NALCN: variants seen among roughly 807,000 people sequenced by gnomAD.
NALCN encodes sodium leak channel, non-selective, also known as sodium leak channel NALCN.
A neutral mutation model predicts 225.3 loss-of-function variants in NALCN; 111 were observed. The observed-to-expected ratio is 0.49, with a 90% CI of 0.42 to 0.58. The LOEUF (loss-of-function observed/expected upper bound fraction) is 0.58, where lower values mean the gene tolerates loss of function less well. Ranked by LOEUF, NALCN falls within the 20% of genes least tolerant of loss-of-function variation. The pLI, the probability that NALCN is intolerant of heterozygous loss-of-function variation, is 0.00. For missense variants in NALCN, 1,378 were observed against 2,202.4 expected (o/e 0.63, Z 7.49); for synonymous variants, 764 against 769.0 (o/e 0.99, Z 0.11).
At chr13:101,378,423 G>T (rs991762841) in intron 4 of NALCN, 147 bp downstream of exon 4, 2 of 622,964 alleles carry the variant, frequency 3.2e-6, no homozygotes, top group Admixed American at 3.5e-5. Flanking sequence ...AATCACATCT[G>T]TTAAAATAAA....
intron 15 of NALCN, among the ~76,000 whole-genome samples, chr13:101,160,255 T>C (rs982003800): frequency 2.0e-5 from 3 of 152,216 alleles, no homozygotes; most frequent in African/African-American, 7.2e-5. Flanking sequence ...TGTGGACCAC[T>C]CAGTGGAAGG....
intron 13 of NALCN, among the ~76,000 whole-genome samples, chr13:101,213,993 C>G (rs557082961): frequency 1.3e-5 from 2 of 152,234 alleles, no homozygotes; most frequent in South Asian, 4.1e-4. Context: ...CACATGCACA[C>G]GTATGTTTAT....
chr13:101,296,175 C>T (rs746110985), intron 7 of NALCN, among the ~76,000 whole-genome samples: 5 of 152,100 alleles, frequency 3.3e-5, no homozygotes, highest in African/African-American at 4.8e-5. Context: ...GAATTCTCTA[C>T]CTTGTTTGTT....
intron 7 of NALCN, among the ~76,000 whole-genome samples, chr13:101,314,455 G>A (rs1033631155): frequency 9.9e-5 from 15 of 152,098 alleles, no homozygotes; most frequent in African/African-American, 3.6e-4. Context: ...GTAGGAATAG[G>A]TGGCATTTTC....
At chr13:101,229,690 T>C in intron 12 of NALCN, 106 bp from the exon 13 acceptor site, 1 of 952,076 alleles carries the variant, frequency 1.1e-6, no homozygotes. Flanking sequence ...TTTATGAAAA[T>C]CATACCTCTC....
At chr13:101,197,086 T>C (rs745688018) in intron 13 of NALCN, among the ~76,000 whole-genome samples, 15 of 152,176 alleles carry the variant, frequency 9.9e-5, no homozygotes, top group Non-Finnish European at 1.9e-4. Flanking sequence ...TGGATTATTT[T>C]GCCTCTGGAA....
chr13:101,282,327 A>C (rs573800856), intron 10 of NALCN, among the ~76,000 whole-genome samples: 19 of 152,316 alleles, frequency 1.2e-4, no homozygotes, highest in African/African-American at 4.6e-4. Flanking sequence ...CTCAGCCATA[A>C]TAAAGAAAAA....
chr13:101,283,875 T>G (rs2043250539), intron 10 of NALCN, 58 bp downstream of exon 10: 2 of 1,422,520 alleles, frequency 1.4e-6, no homozygotes, highest in Non-Finnish European at 1.9e-6. Flanking sequence ...TTTTCTTGGA[T>G]GAAATAAAAT....
intron 15 of NALCN, among the ~76,000 whole-genome samples, chr13:101,156,754 G>A (rs2037921457): frequency 6.6e-6 from 1 of 152,022 alleles, no homozygotes; most frequent in African/African-American, 2.4e-5. Flanking sequence ...TATCAGTAAT[G>A]GTATTTACTA....
intron 6 of NALCN, 136 bp downstream of exon 6, chr13:101,376,564 C>A: frequency 1.3e-6 from 1 of 745,916 alleles, no homozygotes. Flanking sequence ...AAAACAATAC[C>A]GAGGAAGCAG....
intron 18 of NALCN, among the ~76,000 whole-genome samples, chr13:101,118,925 G>C (rs943865032): frequency 1.3e-5 from 2 of 152,182 alleles, no homozygotes; most frequent in African/African-American, 4.8e-5. Flanking sequence ...GCAGTGTACA[G>C]GGTGTCTTGC....
intron 11 of NALCN, among the ~76,000 whole-genome samples, chr13:101,246,180 T>C (rs1265508625): frequency 6.6e-6 from 1 of 152,162 alleles, no homozygotes. Context: ...CGAGACCCTC[T>C]ACCAGTAACA....
chr13:101,298,573 C>T (rs542696472), intron 7 of NALCN, among the ~76,000 whole-genome samples: 7 of 152,256 alleles, frequency 4.6e-5, no homozygotes, highest in South Asian at 2.1e-4. Context: ...CCACTCACCT[C>T]GGCCTCCCAA....
chr13:101,171,426 TAC>T (rs896605946), intron 15 of NALCN, among the ~76,000 whole-genome samples: 7 of 151,200 alleles, frequency 4.6e-5, no homozygotes, highest in African/African-American at 1.5e-4. Flanking sequence ...ATAATAGATA[TAC>T]ACACACACAC....
intron 11 of NALCN, among the ~76,000 whole-genome samples, chr13:101,248,064 C>A (rs918294931): frequency 6.6e-6 from 1 of 152,120 alleles, no homozygotes; most frequent in African/African-American, 2.4e-5. Context: ...TCCAGTCTAT[C>A]CCTGATGGAC....
At position 101,358,555 on chromosome 13, in the gene NALCN, G is replaced by T. The variant is rs117401968; in HGVS notation, c.645-13135C>A. Among the ~76,000 whole-genome samples the T allele has an allele frequency of 1.6e-3, 238 of 152,278 alleles. 1 individual carries two copies. Among genetic ancestry groups the T allele is most frequent in the Non-Finnish European group, 2.6e-3 (176 of 68,026 alleles). Reference sequence around the variant, plus strand: ...AAAAGTCAAGAAACAATAAATGCTGGCGAGGATGTGGAGAAATAGGAACGC... The same window carrying T: ...AAAAGTCAAGAAACAATAAATGCTGTCGAGGATGTGGAGAAATAGGAACGC... On this transcript the variant is annotated intron_variant, in intron 6 of 43. Coordinates refer to ENST00000251127, the MANE Select transcript of NALCN (RefSeq NM_052867.4).
Position 101,122,805 on chromosome 13 carries a change from T to C in NALCN, c.2192+1803A>G, listed in dbSNP as rs184156119. Among the ~76,000 whole-genome samples the C allele has an allele frequency of 6.9e-4, 105 of 152,330 alleles. No homozygotes were observed. The Middle Eastern group carries it at 0.014, about 20-fold the overall frequency. ...CAAATAACATGTAACCACATGCCCT[T>C]GTGACAATCATGTTATTTCTAAGGC... On this transcript the variant is annotated intron_variant, in intron 18 of 43. Coordinates refer to ENST00000251127, the MANE Select transcript of NALCN (RefSeq NM_052867.4).
At chr13:101,114,241 A>G (rs1202171954) in intron 18 of NALCN, among the ~76,000 whole-genome samples, 1 of 152,224 alleles carries the variant, frequency 6.6e-6, no homozygotes, top group African/African-American at 2.4e-5. Flanking sequence ...CATATGTAAA[A>G]TGCAGAGAAC....
intron 6 of NALCN, among the ~76,000 whole-genome samples, chr13:101,349,657 C>T (rs373868318): frequency 4.6e-5 from 7 of 152,114 alleles, no homozygotes; most frequent in East Asian, 1.9e-4. Context: ...CTCCTCTAGT[C>T]GTGAGCTGAC....
Sources: gnomAD v4.1 joint callset for allele counts (sites outside exome capture counted in the v4.1 genomes callset) on GRCh38, gnomAD v4.1.1 for gene constraint, MANE v1.5 for transcripts, NCBI Gene and HGNC (gene_info 2026-07-23, HGNC 2026-07-21) for gene names.